Variants in SS18L1 observed in about 807,000 individuals in gnomAD.
SS18L1 encodes the protein SS18L1 subunit of BAF chromatin remodeling complex.
SS18L1 carries 32 observed loss-of-function variants against 70.3 expected under a neutral mutation model. The observed-to-expected ratio is 0.46, with a 90% CI of 0.34 to 0.61. The LOEUF (loss-of-function observed/expected upper bound fraction) is 0.61, where lower values mean the gene tolerates loss of function less well. Among genes scored for constraint, SS18L1 ranks in the 20% least tolerant of loss-of-function variants. SS18L1 has a pLI of 0.01. For missense variants in SS18L1, 430 were observed against 542.1 expected, an observed-to-expected ratio of 0.79 and a Z score of 2.05; for synonymous variants, 237 against 229.7, an observed-to-expected ratio of 1.03 and a Z score of -0.29.
At position 62,174,598 on chromosome 20, in the gene SS18L1, A is replaced by G. The variant is rs1568766632; in HGVS notation, c.1118A>G (p.Gln373Arg). 6.2e-7 allele frequency: 1 copy of G among 1,613,784 alleles called. No homozygotes were observed. The highest frequency in any genetic ancestry group is 8.5e-7 in the Non-Finnish European group (1 of 1,180,044). The change falls in exon 10 of 11, where the codon CAG becomes CGG. Residue 373 changes from glutamine to arginine, a missense_variant. Coordinates refer to ENST00000331758, the MANE Select transcript of SS18L1 (RefSeq NM_198935.3). This position sits in a 1 kb window ranked among gnomAD's most constrained non-coding sequence, Gnocchi z 4.1. The part of the protein sequence containing the change: ...GQQYGSYRAP[Q>R]TAPSAQQQRP... ...CAGTACGGAAGCTACCGAGCACCGC[A>G]GACAGCGCCGTCTGCCCAGCAGCAG...
chr20:62,161,333 T>C lies in SS18L1; in HGVS notation c.232-103T>C. ...GAACATTGACCAGGTGGCCATGATG[T>C]GTGGCGGCAAATCTCGGGTGCCCTC... On this transcript the variant is annotated intron_variant, in intron 3 of 10. Transcript: ENST00000331758. The surrounding 1 kb of genome is among the most constrained non-coding windows in gnomAD (Gnocchi z 4.4). The C allele has an allele frequency of 1.3e-6, 2 of 1,530,028 alleles. No individual in the cohort carries two copies. The highest frequency in any genetic ancestry group is 1.8e-6 in the Non-Finnish European group (2 of 1,108,418). The allele number at this position is 1,530,028 out of a possible 1,614,324, so 94.8% of individuals were successfully genotyped here. A position where few individuals can be genotyped will look rare whatever the true frequency, so the allele number is the denominator to read the frequency against.
intron 1 of SS18L1, among the ~76,000 whole-genome samples, chr20:62,157,387 C>T (rs571859394): frequency 1.5e-4 from 23 of 152,334 alleles, no homozygotes; most frequent in Admixed American, 1.3e-3. Flanking sequence ...AATCTGTGGG[C>T]CCAGCCCCCT....
rs570130584 is a variant in SS18L1 at position 62,163,492 on chromosome 20, C to T, written c.591C>T (p.His197=). Residue 197 remains histidine, a synonymous_variant, in exon 6 of 11, where the codon CAC becomes CAT. Coordinates refer to ENST00000331758, the MANE Select transcript of SS18L1 (RefSeq NM_198935.3). ...SMMQQQAATS[H]YSSAQGGSQH... ...TGCAGCAGCAGGCGGCCACGTCGCA[C>T]TACAGCTCGGCGCAGGGCGGCAGCC... is the stretch of plus-strand genomic sequence containing the variant. The T allele has an allele frequency of 8.1e-6, 13 of 1,612,246 alleles. 1 individual carries two copies. In the South Asian group the frequency reaches 1.1e-4, roughly 14 times the overall value.
rs2057728792 is a variant in SS18L1 at position 62,182,438 on chromosome 20, T to A, written c.*3230T>A. The A allele has an allele frequency of 1.0e-5, 2 of 194,606 alleles. 1 individual carries two copies. The highest frequency in any genetic ancestry group is 3.8e-4 in the South Asian group (2 of 5,214). 12.1% of individuals were successfully genotyped at this position (194,606 alleles called of 1,614,324 possible). A position where few individuals can be genotyped will look rare whatever the true frequency, so the allele number is the denominator to read the frequency against. ...CAGTCGGAGTTTGACGTATAAATTG[T>A]TTATGCTTTTGGTGTAATCTCTTAA... On this transcript the variant is annotated 3_prime_UTR_variant, in exon 11 of 11. Coordinates refer to ENST00000331758, the MANE Select transcript of SS18L1 (RefSeq NM_198935.3).
chr20:62,165,565 A>G, intron 8 of SS18L1, 51 bp downstream of exon 8: 1 of 1,545,288 alleles, frequency 6.5e-7, no homozygotes, highest in Non-Finnish European at 8.8e-7. Flanking sequence ...CACACGCAGC[A>G]GAGTTAAGAC....
At position 62,158,700 on chromosome 20, in the gene SS18L1, A is replaced by G. The variant is rs1487394069; in HGVS notation, c.98A>G (p.Gln33Arg). The G allele has an allele frequency of 1.9e-6, 3 of 1,612,832 alleles. No individual in the cohort carries two copies. The highest frequency in any genetic ancestry group is 1.7e-6 in the Non-Finnish European group (2 of 1,180,018). ...KMLDENHHLI[Q>R]CILEYQSKGK... ...CTGGACGAGAACCACCACCTGATCC[A>G]GTGCATCCTGGAGTACCAGAGCAAG... Residue 33 changes from glutamine to arginine, a missense_variant, in exon 2 of 11, where the codon CAG becomes CGG. Transcript: ENST00000331758. The surrounding 1 kb of genome is among the most constrained non-coding windows in gnomAD (Gnocchi z 4.5).
chr20:62,147,217 A>T (rs1236186638), intron 1 of SS18L1, among the ~76,000 whole-genome samples: 3 of 152,054 alleles, frequency 2.0e-5, no homozygotes, highest in Non-Finnish European at 4.4e-5. Flanking sequence ...TGCTGGGCTG[A>T]TGTGGGGAGG....
chr20:62,159,872 T>G lies in SS18L1; in HGVS notation c.147-5T>G. On this transcript the variant is annotated splice_region_variant and splice_polypyrimidine_tract_variant and intron_variant, in intron 2 of 10. Coordinates refer to ENST00000331758, the MANE Select transcript of SS18L1 (RefSeq NM_198935.3). This position sits in a 1 kb window ranked among gnomAD's most constrained non-coding sequence, Gnocchi z 4.4. ...CCTGCCTCATGCGTGCCCCCTCTCC[T>G]GCAGGTACCAGCAGATCCTGCACCG... 1 of 1,612,112 alleles carries G rather than the reference T, an allele frequency of 6.2e-7. No homozygotes were observed. Among genetic ancestry groups the G allele is most frequent in the Non-Finnish European group, 8.5e-7 (1 of 1,179,706 alleles).
At chr20:62,146,850 C>T (rs2057038593) in intron 1 of SS18L1, among the ~76,000 whole-genome samples, 1 of 151,872 alleles carries the variant, frequency 6.6e-6, no homozygotes, top group African/African-American at 2.4e-5. Flanking sequence ...AACTCCCGAC[C>T]CCAAGTGATC....
intron 1 of SS18L1, among the ~76,000 whole-genome samples, chr20:62,152,077 C>G (rs2057143600): frequency 6.6e-6 from 1 of 152,114 alleles, no homozygotes; most frequent in Non-Finnish European, 1.5e-5. Context: ...TGCCTGTTTC[C>G]TCCATCGGGC....
intron 1 of SS18L1, among the ~76,000 whole-genome samples, chr20:62,147,043 A>G (rs917850720): frequency 6.6e-6 from 1 of 152,138 alleles, no homozygotes; most frequent in Non-Finnish European, 1.5e-5. Context: ...TCCCATGCGC[A>G]GGCACCAGGG....
Position 62,161,594 on chromosome 20 carries a change from GGGA to G in SS18L1, c.376+21_376+23del, listed in dbSNP as rs760184901. 9 of 1,598,224 alleles carry G rather than the reference GGGA, an allele frequency of 5.6e-6. No individual in the cohort carries two copies. Among genetic ancestry groups the G allele is most frequent in the Non-Finnish European group, 7.7e-6 (9 of 1,168,280 alleles). On this transcript the variant is annotated intron_variant, in intron 4 of 10. Transcript: ENST00000331758. This position sits in a 1 kb window ranked among gnomAD's most constrained non-coding sequence, Gnocchi z 4.4. ...AGATTGGCAACGGTGAGTGCGGCGGGGGAGGAGGACGTTCCTGGCTACGAGGCC... is the reference window on the plus strand; with the variant it reads ...AGATTGGCAACGGTGAGTGCGGCGGGGGAGGACGTTCCTGGCTACGAGGCC...
intron 1 of SS18L1, among the ~76,000 whole-genome samples, chr20:62,144,160 G>A (rs1316987035): frequency 6.6e-6 from 1 of 151,220 alleles, no homozygotes; most frequent in Non-Finnish European, 1.5e-5. Context: ...TGGGCGGTGG[G>A]GGCCGGGCGG....
chr20:62,152,613 A>C (rs547165621), intron 1 of SS18L1, among the ~76,000 whole-genome samples: 1 of 152,150 alleles, frequency 6.6e-6, no homozygotes, highest in African/African-American at 2.4e-5. Flanking sequence ...GACAGCAGTA[A>C]ATACAGAAGA....
In SS18L1 at chr20:62,158,695, G is replaced by C; in HGVS notation, c.93G>C (p.Leu31=). The change falls in exon 2 of 11, where the codon CTG becomes CTC. Residue 31 remains leucine (L), a synonymous_variant. Transcript: ENST00000331758. The surrounding 1 kb of genome is among the most constrained non-coding windows in gnomAD (Gnocchi z 4.5). ...IQKMLDENHH[L]IQCILEYQSK... The stretch of plus-strand genomic sequence containing the variant: ...AGATGCTGGACGAGAACCACCACCT[G>C]ATCCAGTGCATCCTGGAGTACCAGA... 1 of 1,612,774 alleles carries C rather than the reference G, an allele frequency of 6.2e-7. No individual in the cohort carries two copies. Among genetic ancestry groups the C allele is most frequent in the Non-Finnish European group, 8.5e-7 (1 of 1,180,020 alleles).
Position 62,171,050 on chromosome 20 carries a change from C to T in SS18L1, c.917-1632C>T, listed in dbSNP as rs906686073. 4.0e-5 allele frequency among the ~76,000 whole-genome samples: 6 copies of T among 150,870 alleles called. No homozygotes were observed. The East Asian group carries it at 7.8e-4, about 20-fold the overall frequency. ...CCGAGTAGCTGGGACTACAGGCTCC[C>T]GCCACCATGCCGGGCTAAATTTTTT... On this transcript the variant is annotated intron_variant, in intron 8 of 10. Coordinates refer to ENST00000331758, the MANE Select transcript of SS18L1 (RefSeq NM_198935.3).
chr20:62,172,604 G>A (rs142919850), intron 8 of SS18L1, 78 bp from the exon 9 acceptor site: 83 of 1,600,302 alleles, frequency 5.2e-5, no homozygotes, highest in African/African-American at 1.1e-4. Flanking sequence ...CAAAGTTACC[G>A]TGTCGTGAGT....
rs545613708 is a variant in SS18L1 at position 62,173,995 on chromosome 20, G to A, written c.1037-522G>A. Among the ~76,000 whole-genome samples, 7 of 151,846 alleles carry A rather than the reference G, an allele frequency of 4.6e-5. No individual in the cohort carries two copies. The South Asian group carries it at 1.5e-3, about 32-fold the overall frequency. On this transcript the variant is annotated intron_variant, in intron 9 of 10. Transcript: ENST00000331758. Reference sequence around the variant, plus strand: ...CGCCACTGCACTCCAGCCTGGCTTGGGTGACAGAGTGACACCCTGCCTAAA... The same window carrying A: ...CGCCACTGCACTCCAGCCTGGCTTGAGTGACAGAGTGACACCCTGCCTAAA...
intron 3 of SS18L1, among the ~76,000 whole-genome samples, chr20:62,160,304 G>GGGTGGGGTGGGGAGAGGTGGAGAGA (rs1568747842): frequency 1.3e-5 from 1 of 77,534 alleles, no homozygotes; most frequent in African/African-American, 9.3e-5. Context: ...GGGAGAGGTG[G>GGGTGGGGTGGGGAGAGGTGGAGAGA]GGTGGGGTGG....
Sources: gnomAD v4.1 joint callset for allele counts (sites outside exome capture counted in the v4.1 genomes callset) on GRCh38, gnomAD v4.1.1 for gene constraint, Gnocchi (gnomAD v3.1) non-coding constraint, MANE v1.5 for transcripts, NCBI Gene and HGNC (gene_info 2026-07-23, HGNC 2026-07-21) for gene names.